Variants in PSMG4 observed in about 807,000 individuals in gnomAD.
The protein encoded by PSMG4 is proteasome (prosome, macropain) assembly chaperone 4.
A neutral mutation model predicts 11.0 loss-of-function variants in PSMG4; 10 were observed. The ratio of observed to expected loss-of-function variants is 0.91; its 90% CI spans 0.56 to 1.54. The LOEUF is 1.54. Among genes scored for constraint, PSMG4 ranks in the 40% most tolerant of loss-of-function variants. PSMG4 has a pLI of 0.00. For synonymous variants in PSMG4, 95 were observed against 71.3 expected, an observed-to-expected ratio of 1.33 and a Z score of -1.68; for missense variants, 198 against 160.9, an observed-to-expected ratio of 1.23 and a Z score of -1.25.
intron 1 of PSMG4, among the ~76,000 whole-genome samples, chr6:3,259,493 G>A (rs1219592398): frequency 6.6e-6 from 1 of 152,238 alleles, no homozygotes; most frequent in East Asian, 1.9e-4. Flanking sequence ...GCTGGGGGAC[G>A]CGTCTGCCTC....
rs1341041369 is a variant in PSMG4 at position 3,259,061 on chromosome 6, C to G, written c.39C>G (p.Ser13=). Residue 13 remains serine (S), a synonymous_variant, in exon 1 of 3, where the codon TCC becomes TCG. Transcript: ENST00000438998. ...TTGTCGCCGCCGGCGGGGACGTCTCCCTGCACAACTTCAGCGCGAGGCTGT... is the reference window on the plus strand; with the variant it reads ...TTGTCGCCGCCGGCGGGGACGTCTCGCTGCACAACTTCAGCGCGAGGCTGT... ...GLVVAAGGDV[S]LHNFSARLWE... 6 of 1,264,640 alleles carry G rather than the reference C, an allele frequency of 4.7e-6. No individual in the cohort carries two copies. The African/African-American group carries it at 6.2e-5, about 13-fold the overall frequency. 78.3% of individuals were successfully genotyped at this position (1,264,640 alleles called of 1,614,324 possible).
rs75909236 is a variant in PSMG4 at position 3,259,073 on chromosome 6, C to G, written c.51C>G (p.Phe17Leu). The G allele has an allele frequency of 1.6e-6, 2 of 1,268,374 alleles. No homozygotes were observed. The highest frequency in any genetic ancestry group is 2.0e-6 in the Non-Finnish European group (2 of 1,005,160). The allele number at this position is 1,268,374 out of a possible 1,614,324, so 78.6% of individuals were successfully genotyped here. A position where few individuals can be genotyped will look rare whatever the true frequency, so the allele number is the denominator to read the frequency against. The change falls in exon 1 of 3, where the codon TTC becomes TTG. Residue 17 changes from phenylalanine (F) to leucine (L), a missense_variant. Phe to Leu is a conservative substitution (Grantham distance 22). Transcript: ENST00000438998. ...AAGGDVSLHN[F>L]SARLWEQLVH... ...GCGGGGACGTCTCCCTGCACAACTTCAGCGCGAGGCTGTGGGAGCAGCTGG... is the reference window on the plus strand; with the variant it reads ...GCGGGGACGTCTCCCTGCACAACTTGAGCGCGAGGCTGTGGGAGCAGCTGG...
At chr6:3,256,864 G>A (rs1436764407), upstream of PSMG4, among the ~76,000 whole-genome samples, 8 of 152,154 alleles carry the variant, frequency 5.3e-5, no homozygotes, top group Admixed American at 2.6e-4. Flanking sequence ...CGTGGCAGAA[G>A]GTAGGATTTG....
rs377325886 is a variant in PSMG4, at chr6:3,263,731, G to A, written c.222G>A (p.Thr74=). 53 of 1,551,090 alleles carry A rather than the reference G, an allele frequency of 3.4e-5. No homozygotes were observed. In the African/African-American group the frequency reaches 4.9e-4, roughly 14 times the overall value. The change falls in exon 2 of 3, where the codon ACG becomes ACA. Residue 74 remains threonine (T), a synonymous_variant. Transcript: ENST00000438998. ...CCCTCCTTGGAGACACTTCCGACACGACCTCTACTGGCCTTGCCCAGCGCC... is the reference window on the plus strand; with the variant it reads ...CCCTCCTTGGAGACACTTCCGACACAACCTCTACTGGCCTTGCCCAGCGCC... ...STSLLGDTSD[T]TSTGLAQRLA...
chr6:3,267,317 G>C (rs2127266268), intron 2 of PSMG4: 3 of 292,430 alleles, frequency 1.0e-5, no homozygotes, highest in South Asian at 9.3e-5. Flanking sequence ...GCTGGGTGGG[G>C]CCCAGCAGCT....
At chr6:3,255,456 T>A (rs535668274), upstream of PSMG4, among the ~76,000 whole-genome samples, 29 of 79,000 alleles carry the variant, frequency 3.7e-4, no homozygotes, top group African/African-American at 6.9e-4. Flanking sequence ...GACCACCACC[T>A]CTTTTATCTT....
intron 2 of PSMG4, chr6:3,264,310 A>G (rs1758105506): frequency 1.9e-6 from 3 of 1,550,714 alleles, no homozygotes; most frequent in Non-Finnish European, 2.6e-6. Context: ...ACCCCAACAC[A>G]CTTCCTGTGG....
intron 1 of PSMG4, among the ~76,000 whole-genome samples, chr6:3,260,284 TATATA>T (rs1326302668): frequency 0.033 from 2,803 of 84,668 alleles, 183 homozygotes; most frequent in African/African-American, 0.098. Flanking sequence ...ATTGTATATA[TATATA>T]TATTTTTTTT....
At chr6:3,255,486 G>T (rs1757730665), upstream of PSMG4, among the ~76,000 whole-genome samples, 1 of 152,060 alleles carries the variant, frequency 6.6e-6, no homozygotes, top group Non-Finnish European at 1.5e-5. Context: ...CTCCCCAAAG[G>T]TACCTAAACT....
At chr6:3,255,272 C>G (rs975528281), upstream of PSMG4, 15 of 1,542,948 alleles carry the variant, frequency 9.7e-6, no homozygotes, top group South Asian at 1.2e-5. Flanking sequence ...CCACGGCTGT[C>G]TTACGGGTCT....
At chr6:3,255,144 T>C, upstream of PSMG4, 5 of 1,551,006 alleles carry the variant, frequency 3.2e-6, no homozygotes, top group African/African-American at 1.4e-5. Context: ...TCATTCTCTT[T>C]GAGGAGCAGG....
upstream of PSMG4, among the ~76,000 whole-genome samples, chr6:3,256,029 C>T (rs1403323256): frequency 2.6e-5 from 4 of 152,214 alleles, no homozygotes; most frequent in African/African-American, 4.8e-5. Flanking sequence ...TTATAGAAGT[C>T]AATTGCCATC....
chr6:3,261,889 C>G (rs538441441), intron 1 of PSMG4, among the ~76,000 whole-genome samples: 2 of 152,158 alleles, frequency 1.3e-5, no homozygotes, highest in Non-Finnish European at 2.9e-5. Flanking sequence ...TCCATAAAGC[C>G]TGAACTAGTT....
intron 2 of PSMG4, chr6:3,265,667 C>T (rs1050552224): frequency 6.6e-6 from 1 of 152,250 alleles, no homozygotes; most frequent in African/African-American, 2.4e-5. Context: ...CTTTAGATCA[C>T]CCTCTACATG....
At chr6:3,263,074 C>G (rs1561842651) in intron 1 of PSMG4, among the ~76,000 whole-genome samples, 1 of 152,210 alleles carries the variant, frequency 6.6e-6, no homozygotes, top group Non-Finnish European at 1.5e-5. Flanking sequence ...CTGCTTGTTT[C>G]ACCTTACTGC....
chr6:3,255,060 C>A, upstream of PSMG4: 3 of 1,550,918 alleles, frequency 1.9e-6, no homozygotes, highest in South Asian at 1.2e-5. Context: ...GGAACAAACA[C>A]ACTTGGAATA....
chr6:3,259,694 A>G (rs906169805), intron 1 of PSMG4, among the ~76,000 whole-genome samples: 1 of 152,134 alleles, frequency 6.6e-6, no homozygotes, highest in Non-Finnish European at 1.5e-5. Context: ...AGAGCCTCGC[A>G]GTTGTCTTTG....
intron 1 of PSMG4, among the ~76,000 whole-genome samples, chr6:3,259,501 C>T (rs1411565920): frequency 6.6e-6 from 1 of 152,260 alleles, no homozygotes; most frequent in Non-Finnish European, 1.5e-5. Context: ...ACGCGTCTGC[C>T]TCGTAGCTCT....
upstream of PSMG4, among the ~76,000 whole-genome samples, chr6:3,258,174 GGGATGATT>G (rs59188186): frequency 0.68 from 103,797 of 151,804 alleles, 38,663 homozygotes; most frequent in Non-Finnish European, 0.83. Flanking sequence ...GTATGACAAT[GGGATGATT>G]GGATGATTGT....
Sources: gnomAD v4.1 joint callset for allele counts (sites outside exome capture counted in the v4.1 genomes callset) on GRCh38, gnomAD v4.1.1 for gene constraint, MANE v1.5 for transcripts, NCBI Gene and HGNC (gene_info 2026-07-23, HGNC 2026-07-21) for gene names.